LRRC49: variants seen among roughly 807,000 people sequenced by gnomAD.
The protein encoded by LRRC49 is leucine rich repeat containing 49.
LRRC49 carries 50 observed loss-of-function variants against 83.3 expected under a neutral mutation model. The ratio of observed to expected loss-of-function variants is 0.60; its 90% CI spans 0.48 to 0.76. LRRC49 has a LOEUF of 0.76. Ranked by LOEUF, LRRC49 falls within the 30% of genes least tolerant of loss-of-function variation. The pLI, the probability that LRRC49 is intolerant of heterozygous loss-of-function variation, is 0.00. For missense variants in LRRC49, 704 were observed against 809.1 expected (o/e 0.87, Z 1.58); for synonymous variants, 286 against 283.3 (o/e 1.01, Z -0.10).
At chr15:70,857,768 T>A (rs2141066894) in intron 1 of LRRC49, among the ~76,000 whole-genome samples, 1 of 152,306 alleles carries the variant, frequency 6.6e-6, no homozygotes, top group South Asian at 2.1e-4. Context: ...CAAGGATGCT[T>A]TGAAGCTGAC....
At chr15:70,978,638 A>G (rs1340737132) in intron 9 of LRRC49, among the ~76,000 whole-genome samples, 1 of 152,194 alleles carries the variant, frequency 6.6e-6, no homozygotes, top group Non-Finnish European at 1.5e-5. Flanking sequence ...GTTTGCAGAC[A>G]TATCAAAAGG....
chr15:71,040,506 A>G (rs1290861420), intron 15 of LRRC49, among the ~76,000 whole-genome samples: 1 of 152,170 alleles, frequency 6.6e-6, no homozygotes, highest in African/African-American at 2.4e-5. Flanking sequence ...GTCTAACTTA[A>G]TCTGGCAAGT....
intron 15 of LRRC49, among the ~76,000 whole-genome samples, chr15:71,045,471 A>G (rs972507959): frequency 2.0e-5 from 3 of 152,126 alleles, no homozygotes; most frequent in Non-Finnish European, 4.4e-5. Context: ...TAAATAATTC[A>G]GCGTGCATTT....
In LRRC49 at chr15:71,051,480, T is replaced by C. The variant is rs1176695081; in HGVS notation, c.*1868T>C. ...TCTCCTGGGCTTATATCTTGTTTGG[T>C]ATAGAAATGAGATCCCAGCTTGAAG... On this transcript the variant is annotated 3_prime_UTR_variant, in exon 16 of 16. Coordinates refer to ENST00000260382, the MANE Select transcript of LRRC49 (RefSeq NM_017691.5). 1 of 152,174 alleles carries C rather than the reference T, an allele frequency of 6.6e-6. No individual in the cohort carries two copies. Among genetic ancestry groups the C allele is most frequent in the Non-Finnish European group, 1.5e-5 (1 of 68,078 alleles). The allele number at this position is 152,174 out of a possible 1,614,324, so 9.4% of individuals were successfully genotyped here.
At chr15:70,923,114 A>G (rs2141137922) in intron 7 of LRRC49, among the ~76,000 whole-genome samples, 2 of 152,128 alleles carry the variant, frequency 1.3e-5, no homozygotes, top group African/African-American at 4.8e-5. Flanking sequence ...AACATTTTGT[A>G]AGTTCCATGT....
intron 7 of LRRC49, among the ~76,000 whole-genome samples, chr15:70,924,323 T>C (rs796313413): frequency 3.9e-5 from 6 of 152,020 alleles, no homozygotes; most frequent in African/African-American, 1.2e-4. Context: ...ATTACTGATA[T>C]GTTTAGATTT....
At chr15:70,919,325 A>T in intron 7 of LRRC49, 132 bp downstream of exon 7, 6 of 796,340 alleles carry the variant, frequency 7.5e-6, no homozygotes, top group South Asian at 4.3e-5. Context: ...TAAATTGTGG[A>T]TGTAATTATT....
chr15:70,869,152 A>G (rs1378893988), intron 1 of LRRC49, among the ~76,000 whole-genome samples: 4 of 152,230 alleles, frequency 2.6e-5, no homozygotes, highest in African/African-American at 9.6e-5. Flanking sequence ...AGATTATTAT[A>G]ATACATGAAA....
At chr15:70,994,091 C>T (rs1224673654) in intron 11 of LRRC49, among the ~76,000 whole-genome samples, 2 of 152,214 alleles carry the variant, frequency 1.3e-5, no homozygotes, top group South Asian at 2.1e-4. Context: ...AAGTGATCCT[C>T]CTGCCTCGGC....
chr15:70,955,624 A>T (rs1350450232), intron 8 of LRRC49, among the ~76,000 whole-genome samples: 1 of 152,182 alleles, frequency 6.6e-6, no homozygotes, highest in Non-Finnish European at 1.5e-5. Flanking sequence ...TCTCAATTTC[A>T]TTAGGTTTAG....
chr15:70,953,189 T>C (rs950095572), intron 8 of LRRC49, among the ~76,000 whole-genome samples: 2 of 152,168 alleles, frequency 1.3e-5, no homozygotes. Context: ...TAGCTGGCTA[T>C]TATGTAGACT....
intron 13 of LRRC49, among the ~76,000 whole-genome samples, chr15:71,012,574 C>G (rs1223544475): frequency 1.3e-5 from 2 of 152,044 alleles, no homozygotes; most frequent in African/African-American, 4.8e-5. Flanking sequence ...TCAGAGCTGA[C>G]TCATCACCTC....
intron 15 of LRRC49, among the ~76,000 whole-genome samples, chr15:71,042,144 G>A (rs1180701363): frequency 2.6e-5 from 4 of 152,124 alleles, no homozygotes. Flanking sequence ...TGGTAAATTG[G>A]ACAGTCATTC....
intron 8 of LRRC49, among the ~76,000 whole-genome samples, chr15:70,957,564 G>C (rs1341805630): frequency 6.6e-6 from 1 of 151,410 alleles, no homozygotes; most frequent in East Asian, 1.9e-4. Context: ...AAACTTTATT[G>C]CACACTTACT....
chr15:71,036,345 C>T (rs1361275456), intron 14 of LRRC49, among the ~76,000 whole-genome samples: 1 of 152,066 alleles, frequency 6.6e-6, no homozygotes, highest in East Asian at 1.9e-4. Context: ...TGGTTTTTAT[C>T]CATTTCTTTA....
At chr15:70,882,410 G>T in intron 2 of LRRC49, 1 of 1,433,522 alleles carries the variant, frequency 7.0e-7, no homozygotes. Context: ...TGTGAGTAAA[G>T]ATTTGAAAAT....
chr15:70,882,476 T>G (rs567289905), intron 2 of LRRC49: 3 of 1,612,296 alleles, frequency 1.9e-6, no homozygotes, highest in Non-Finnish European at 1.7e-6. Flanking sequence ...TTCTTTCACC[T>G]GTACAGCCAT....
At chr15:70,854,050 C>T in intron 1 of LRRC49, 1 of 1,426,436 alleles carries the variant, frequency 7.0e-7, no homozygotes, top group Non-Finnish European at 9.2e-7. Context: ...GCACCGCCGT[C>T]TTGGGCCCGG....
chr15:70,996,969 A>G (rs1056792500), intron 11 of LRRC49, among the ~76,000 whole-genome samples: 1 of 152,178 alleles, frequency 6.6e-6, no homozygotes, highest in African/African-American at 2.4e-5. Context: ...TTATGGCTGA[A>G]CATATGGTCT....
Sources: gnomAD v4.1 joint callset for allele counts (sites outside exome capture counted in the v4.1 genomes callset) on GRCh38, gnomAD v4.1.1 for gene constraint, MANE v1.5 for transcripts, NCBI Gene and HGNC (gene_info 2026-07-23, HGNC 2026-07-21) for gene names.